The following DACH1 variants were observed in gnomAD, a reference collection of about 807,000 sequenced individuals.
The protein encoded by DACH1 is dachshund family transcription factor 1.
A neutral mutation model predicts 54.2 loss-of-function variants in DACH1; 12 were observed. The observed-to-expected ratio is 0.22, with a 90% CI of 0.14 to 0.36. The LOEUF (loss-of-function observed/expected upper bound fraction) is 0.36, where lower values mean the gene tolerates loss of function less well. Ranked by LOEUF, DACH1 falls within the 10% of genes least tolerant of loss-of-function variation. DACH1 has a pLI of 1.00. For missense variants in DACH1, 805 were observed against 929.8 expected (o/e 0.87, Z 1.75); for synonymous variants, 386 against 366.2 (o/e 1.05, Z -0.62).
intron 6 of DACH1, among the ~76,000 whole-genome samples, chr13:71,551,952 A>G (rs1217971263): frequency 1.3e-5 from 2 of 152,050 alleles, no homozygotes; most frequent in Non-Finnish European, 2.9e-5. Flanking sequence ...TTCCCCACCA[A>G]GCAGAATATG....
intron 3 of DACH1, among the ~76,000 whole-genome samples, chr13:71,608,059 GTATA>G (rs143952432): frequency 6.8e-6 from 1 of 147,368 alleles, no homozygotes; most frequent in African/African-American, 2.5e-5. Context: ...ATTACAATGT[GTATA>G]TATATATATA....
intron 10 of DACH1, among the ~76,000 whole-genome samples, chr13:71,454,573 C>G (rs1875379699): frequency 1.3e-5 from 2 of 152,188 alleles, no homozygotes; most frequent in African/African-American, 4.8e-5. Flanking sequence ...AGCAGGCTGC[C>G]ATGTATTGAG....
At chr13:71,520,510 T>A (rs1881518095) in intron 6 of DACH1, among the ~76,000 whole-genome samples, 1 of 150,516 alleles carries the variant, frequency 6.6e-6, no homozygotes, top group Non-Finnish European at 1.5e-5. Context: ...GACAAGTTAA[T>A]AAGGATCCAG....
At chr13:71,864,457 C>T (rs1874579451) in intron 1 of DACH1, among the ~76,000 whole-genome samples, 1 of 152,176 alleles carries the variant, frequency 6.6e-6, no homozygotes, top group Non-Finnish European at 1.5e-5. Flanking sequence ...CCTTGCTACA[C>T]TTCCTTTCCA....
intron 8 of DACH1, among the ~76,000 whole-genome samples, 157 bp downstream of exon 8, chr13:71,479,012 A>T (rs1877808378): frequency 6.6e-6 from 1 of 152,200 alleles, no homozygotes; most frequent in Non-Finnish European, 1.5e-5. Context: ...TTTGGAGATT[A>T]AGAAATACAA....
rs1209607220 is a variant in DACH1 at position 71,438,652 on chromosome 13, T to TGTAA, written c.*1999_*2002dup. ...GAGCAATGGCTGATTCTACTACATA[T>TGTAA]GTAAGTTGTAGGCTTTTTTAAAAAT... On this transcript the variant is annotated 3_prime_UTR_variant, in exon 11 of 11. Coordinates refer to ENST00000613252, the MANE Select transcript of DACH1 (RefSeq NM_080759.6). 3 of 152,440 alleles carry TGTAA rather than the reference T, an allele frequency of 2.0e-5. No homozygotes were observed. Among genetic ancestry groups the TGTAA allele is most frequent in the African/African-American group, 7.2e-5 (3 of 41,452 alleles). 9.4% of individuals were successfully genotyped at this position (152,440 alleles called of 1,614,324 possible).
At chr13:71,579,000 T>C (rs771469864) in intron 3 of DACH1, among the ~76,000 whole-genome samples, 2 of 152,236 alleles carry the variant, frequency 1.3e-5, no homozygotes, top group Non-Finnish European at 2.9e-5. Flanking sequence ...TAGGAAAATA[T>C]GTTACTTTCC....
rs1208240394 is a variant in DACH1 at position 71,779,247 on chromosome 13, G to T, written c.848+86675C>A. On this transcript the variant is annotated intron_variant, in intron 1 of 10. Coordinates refer to ENST00000613252, the MANE Select transcript of DACH1 (RefSeq NM_080759.6). Reference sequence around the variant, plus strand: ...TATACGTATATATACACATATATACGTATATACGTATATATGTGTATATAT... The same window carrying T: ...TATACGTATATATACACATATATACTTATATACGTATATATGTGTATATAT... 3.0e-4 allele frequency among the ~76,000 whole-genome samples: 37 copies of T among 121,410 alleles called. 1 individual carries two copies. The highest frequency in any genetic ancestry group is 5.2e-4 in the South Asian group (2 of 3,880). The allele number at this position is 121,410 out of a possible 152,430, so 79.6% of individuals were successfully genotyped here.
rs564628690 is a variant in DACH1 at position 71,542,918 on chromosome 13, T to C, written c.1570+14106A>G. Among the ~76,000 whole-genome samples, 10 of 152,294 alleles carry C rather than the reference T, an allele frequency of 6.6e-5. No homozygotes were observed. The South Asian group carries it at 2.1e-3, about 32-fold the overall frequency. On this transcript the variant is annotated intron_variant, in intron 6 of 10. Coordinates refer to ENST00000613252, the MANE Select transcript of DACH1 (RefSeq NM_080759.6). The stretch of plus-strand genomic sequence containing the variant: ...CAGGAGATTAAAAGCTCAGCTATTT[T>C]ACTATCAGAAATTATTCCAAGTCTA...
At chr13:71,821,617 G>A (rs1160339139) in intron 1 of DACH1, among the ~76,000 whole-genome samples, 1 of 151,978 alleles carries the variant, frequency 6.6e-6, no homozygotes, top group Non-Finnish European at 1.5e-5. Flanking sequence ...ATAGGTCTAT[G>A]CATTTAGATG....
intron 3 of DACH1, among the ~76,000 whole-genome samples, chr13:71,606,868 G>A (rs944886534): frequency 2.6e-5 from 4 of 152,106 alleles, no homozygotes; most frequent in African/African-American, 9.6e-5. Flanking sequence ...TGTAATAAAT[G>A]TATGATGAGA....
At chr13:71,492,527 C>T (rs758956708) in intron 6 of DACH1, among the ~76,000 whole-genome samples, 1 of 152,072 alleles carries the variant, frequency 6.6e-6, no homozygotes, top group Non-Finnish European at 1.5e-5. Flanking sequence ...GGAAGGAGCT[C>T]ATTTCTGCTG....
At chr13:71,632,568 T>A (rs1446632096) in intron 2 of DACH1, among the ~76,000 whole-genome samples, 1 of 152,120 alleles carries the variant, frequency 6.6e-6, no homozygotes. Flanking sequence ...CCACTAATCA[T>A]CACTTCTAGT....
intron 3 of DACH1, among the ~76,000 whole-genome samples, chr13:71,618,396 T>C (rs1875945922): frequency 6.6e-6 from 1 of 152,106 alleles, no homozygotes; most frequent in Admixed American, 6.5e-5. Flanking sequence ...AAAGCTGTTA[T>C]AAACATTTCT....
In DACH1 at chr13:71,612,084, A is replaced by G. The variant is rs183916795; in HGVS notation, c.1126+18472T>C. On this transcript the variant is annotated intron_variant, in intron 3 of 10. Transcript: ENST00000613252. ...TTAGGGGAATTTGTTGGGCAAGGGT[A>G]AGAACATGGAAAGTGATACATAACA... Among the ~76,000 whole-genome samples the G allele has an allele frequency of 3.9e-5, 6 of 152,280 alleles. 1 individual carries two copies. The East Asian group carries it at 9.7e-4, about 25-fold the overall frequency.
intron 1 of DACH1, among the ~76,000 whole-genome samples, chr13:71,710,028 T>G (rs1410153917): frequency 6.6e-6 from 1 of 152,120 alleles, no homozygotes; most frequent in Admixed American, 6.5e-5. Context: ...TTGTATTTTT[T>G]TGTAAAGATG....
chr13:71,764,868 C>G (rs1324893791), intron 1 of DACH1, among the ~76,000 whole-genome samples: 1 of 152,160 alleles, frequency 6.6e-6, no homozygotes. Flanking sequence ...GGTCTTTGGA[C>G]TTTGGACTTT....
In DACH1 at chr13:71,735,675, T is replaced by G. The variant is rs193230760; in HGVS notation, c.849-53765A>C. Among the ~76,000 whole-genome samples the G allele has an allele frequency of 5.3e-5, 6 of 113,448 alleles. No individual in the cohort carries two copies. The East Asian group carries it at 1.1e-3, about 20-fold the overall frequency. 74.4% of individuals were successfully genotyped at this position (113,448 alleles called of 152,430 possible). A position where few individuals can be genotyped will look rare whatever the true frequency, so the allele number is the denominator to read the frequency against. ...TATATATGGGATTATATATATCCCT[T>G]CCTACTTGACAAACGCATTGCTTAG... On this transcript the variant is annotated intron_variant, in intron 1 of 10. Transcript: ENST00000613252.
At chr13:71,803,221 T>C (rs937793817) in intron 1 of DACH1, among the ~76,000 whole-genome samples, 2 of 152,166 alleles carry the variant, frequency 1.3e-5, no homozygotes, top group African/African-American at 4.8e-5. Context: ...TGATTTCTGA[T>C]ATGCTGAAGA....
Sources: allele counts gnomAD v4.1 joint callset (sites outside exome capture counted in the v4.1 genomes callset), GRCh38; gene constraint gnomAD v4.1.1; transcripts MANE v1.5; gene names NCBI Gene and HGNC (gene_info 2026-07-23, HGNC 2026-07-21).